The following CDA variants were observed in gnomAD, a reference collection of about 807,000 sequenced individuals.
CDA encodes cytidine deaminase.
In CDA, 7 loss-of-function variants were observed where a neutral mutation model predicts 15.0. The observed-to-expected ratio is 0.47, with a 90% confidence interval of 0.26 to 0.87. CDA has a LOEUF of 0.87. Ranked by LOEUF, CDA falls within the 40% of genes least tolerant of loss-of-function variation. The probability of loss-of-function intolerance (pLI) is 0.15; values close to 1 mark genes in which losing one functional copy is unlikely to be tolerated. For missense variants in CDA, 159 were observed against 182.7 expected (o/e 0.87, Z 0.75); for synonymous variants, 58 against 73.0 (o/e 0.79, Z 1.05).
At chr1:20,615,484 A>AAAAAG (rs2052793401) in intron 3 of CDA, among the ~76,000 whole-genome samples, 1 of 150,686 alleles carries the variant, frequency 6.6e-6, no homozygotes, top group Non-Finnish European at 1.5e-5. Context: ...AAAAAAAAAA[A>AAAAAG]AGGAATAAAA....
intron 1 of CDA, among the ~76,000 whole-genome samples, chr1:20,590,561 G>A (rs896954631): frequency 1.3e-5 from 2 of 152,122 alleles, no homozygotes; most frequent in African/African-American, 4.8e-5. Flanking sequence ...TTTCCAGATG[G>A]CACAGAAAGG....
chr1:20,618,577 G>T lies in CDA; in HGVS notation c.*9G>T. The T allele has an allele frequency of 6.6e-7, 1 of 1,512,574 alleles. No individual in the cohort carries two copies. 93.7% of individuals were successfully genotyped at this position (1,512,574 alleles called of 1,614,324 possible). A position where few individuals can be genotyped will look rare whatever the true frequency, so the allele number is the denominator to read the frequency against. On this transcript the variant is annotated 3_prime_UTR_variant, in exon 4 of 4. Transcript: ENST00000375071. ...TGCAGAAGACCCAGTGACAGCCAGAGAATGCCCACTGCCTGTAACAGCCAC... is the reference window on the plus strand; with the variant it reads ...TGCAGAAGACCCAGTGACAGCCAGATAATGCCCACTGCCTGTAACAGCCAC...
intron 1 of CDA, among the ~76,000 whole-genome samples, chr1:20,591,312 G>C (rs566396013): frequency 2.5e-4 from 38 of 152,068 alleles, no homozygotes; most frequent in Non-Finnish European, 5.3e-4. Flanking sequence ...CTGCACTCCA[G>C]CCTGGGCGAC....
At chr1:20,615,692 A>G (rs1270316496) in intron 3 of CDA, among the ~76,000 whole-genome samples, 1 of 151,734 alleles carries the variant, frequency 6.6e-6, no homozygotes, top group Non-Finnish European at 1.5e-5. Flanking sequence ...CCAGCATAAT[A>G]TCAAGAGCCC....
intron 3 of CDA, 86 bp from the exon 4 acceptor site, chr1:20,618,366 C>G (rs1057122047): frequency 5.4e-6 from 4 of 746,332 alleles, no homozygotes; most frequent in African/African-American, 3.5e-5. Context: ...GAACATTAGA[C>G]AGTGGCAGAG....
At chr1:20,612,450 A>AC (rs1218632715) in intron 2 of CDA, among the ~76,000 whole-genome samples, 3 of 148,234 alleles carry the variant, frequency 2.0e-5, no homozygotes, top group Admixed American at 6.8e-5. Flanking sequence ...GTGACATTCC[A>AC]CCCCCCCACC....
chr1:20,591,028 T>C (rs818201), intron 1 of CDA, among the ~76,000 whole-genome samples: 86,509 of 152,008 alleles, frequency 0.57, 25,052 homozygotes, highest in Middle Eastern at 0.61. Flanking sequence ...CCAGAATGCT[T>C]GGGTCCTTTC....
intron 3 of CDA, among the ~76,000 whole-genome samples, chr1:20,616,929 A>G (rs1293472801): frequency 1.3e-5 from 2 of 152,236 alleles, no homozygotes; most frequent in Non-Finnish European, 2.9e-5. Flanking sequence ...GAGGCTGCAG[A>G]CCTGAGCAGT....
At chr1:20,593,556 T>C (rs2052566621) in intron 1 of CDA, among the ~76,000 whole-genome samples, 1 of 152,140 alleles carries the variant, frequency 6.6e-6, no homozygotes, top group African/African-American at 2.4e-5. Context: ...GTGCAAGCAG[T>C]CTCTGGTTTC....
intron 1 of CDA, among the ~76,000 whole-genome samples, chr1:20,604,720 T>C (rs988272636): frequency 6.6e-6 from 1 of 152,164 alleles, no homozygotes; most frequent in African/African-American, 2.4e-5. Flanking sequence ...ATTAAGACAG[T>C]GCCAGGTTCT....
At chr1:20,612,710 C>T (rs953277328) in intron 2 of CDA, among the ~76,000 whole-genome samples, 10 of 151,856 alleles carry the variant, frequency 6.6e-5, no homozygotes, top group South Asian at 4.2e-4. Context: ...GCCTGGAGGC[C>T]GAGGTGGGCG....
chr1:20,615,495 CA>C (rs1317868149), intron 3 of CDA, among the ~76,000 whole-genome samples: 5 of 128,972 alleles, frequency 3.9e-5, no homozygotes, highest in Admixed American at 1.6e-4. Context: ...AGGAATAAAA[CA>C]AAACAAAAAA....
chr1:20,617,707 T>A (rs991117593), intron 3 of CDA, among the ~76,000 whole-genome samples: 22 of 151,656 alleles, frequency 1.5e-4, no homozygotes, highest in Admixed American at 1.1e-3. Context: ...ATTTTTTTTT[T>A]TTTTTGAGAC....
chr1:20,609,843 TC>T (rs2052730685), intron 2 of CDA, among the ~76,000 whole-genome samples: 1 of 151,946 alleles, frequency 6.6e-6, no homozygotes, highest in African/African-American at 2.4e-5. Context: ...TGGGCAGGAG[TC>T]CCCACCCTCT....
In CDA at chr1:20,589,128, A is replaced by C. The variant is rs1419588730; in HGVS notation, c.-2A>C. 6.2e-7 allele frequency: 1 copy of C among 1,613,952 alleles called. No individual in the cohort carries two copies. The highest frequency in any genetic ancestry group is 2.2e-5 in the East Asian group (1 of 44,890). On this transcript the variant is annotated 5_prime_UTR_variant, in exon 1 of 4. Coordinates refer to ENST00000375071, the MANE Select transcript of CDA (RefSeq NM_001785.3). ...GCTCTGCTGCCTGCCCGGGGTACCAACATGGCCCAGAAGCGTCCTGCCTGC... is the reference window on the plus strand; with the variant it reads ...GCTCTGCTGCCTGCCCGGGGTACCACCATGGCCCAGAAGCGTCCTGCCTGC...
chr1:20,597,016 C>A (rs2052597098), intron 1 of CDA, among the ~76,000 whole-genome samples: 1 of 152,098 alleles, frequency 6.6e-6, no homozygotes, highest in Non-Finnish European at 1.5e-5. Flanking sequence ...CCCACCTCAG[C>A]CTCTAAAAGT....
At position 20,606,762 on chromosome 1, in the gene CDA, T is replaced by C. The variant is rs140028890; in HGVS notation, c.266+1723T>C. Among the ~76,000 whole-genome samples, 107 of 152,300 alleles carry C rather than the reference T, an allele frequency of 7.0e-4. 1 individual carries two copies. Among genetic ancestry groups the C allele is most frequent in the South Asian group, 1.7e-3 (8 of 4,824 alleles). On this transcript the variant is annotated intron_variant, in intron 2 of 3. Transcript: ENST00000375071. Reference sequence around the variant, plus strand: ...CTATATGTCCCAAACATAAATATCCTAGTTGGTATGGCTTACTTTCCACGG... The same window carrying C: ...CTATATGTCCCAAACATAAATATCCCAGTTGGTATGGCTTACTTTCCACGG...
chr1:20,602,666 C>T (rs542274004), intron 1 of CDA, among the ~76,000 whole-genome samples: 103 of 152,238 alleles, frequency 6.8e-4, no homozygotes, highest in Middle Eastern at 3.4e-3. Context: ...GTGATCCGCC[C>T]GCTTTGGCCT....
intron 1 of CDA, among the ~76,000 whole-genome samples, chr1:20,591,470 A>G (rs1474642264): frequency 2.6e-5 from 4 of 152,322 alleles, no homozygotes; most frequent in Middle Eastern, 3.4e-3. Context: ...TTCAACAGAT[A>G]TTTGCTGAAC....
Sources: gnomAD v4.1 joint callset for allele counts (sites outside exome capture counted in the v4.1 genomes callset) on GRCh38, gnomAD v4.1.1 for gene constraint, MANE v1.5 for transcripts, NCBI Gene and HGNC (gene_info 2026-07-23, HGNC 2026-07-21) for gene names.